CCDC178: variants seen among roughly 807,000 people sequenced by gnomAD.
The protein encoded by CCDC178 is coiled-coil domain-containing protein 178.
A neutral mutation model predicts 117.4 loss-of-function variants in CCDC178; 126 were observed. That is an observed-to-expected ratio of 1.07 (90% CI 0.93 to 1.24). CCDC178 has a LOEUF of 1.24. Ranked by LOEUF, CCDC178 falls within the 50% of genes most tolerant of loss-of-function variation. CCDC178 has a pLI of 0.00. For missense variants in CCDC178, 1,030 were observed against 986.9 expected, an observed-to-expected ratio of 1.04 and a Z score of -0.59; for synonymous variants, 283 against 313.4, an observed-to-expected ratio of 0.90 and a Z score of 1.02.
intron 21 of CCDC178, among the ~76,000 whole-genome samples, chr18:32,994,530 C>T (rs1022320429): frequency 2.0e-5 from 3 of 152,132 alleles, no homozygotes; most frequent in Non-Finnish European, 4.4e-5. Context: ...TGAAGATACC[C>T]TGTTTCCAGT....
At chr18:33,188,543 T>C (rs1379532949) in intron 20 of CCDC178, among the ~76,000 whole-genome samples, 1 of 148,136 alleles carries the variant, frequency 6.8e-6, no homozygotes, top group Non-Finnish European at 1.5e-5. Context: ...TGAGAAGAAT[T>C]AGATCCACCT....
intron 21 of CCDC178, among the ~76,000 whole-genome samples, chr18:32,981,393 C>T (rs983376126): frequency 6.6e-6 from 1 of 152,114 alleles, no homozygotes; most frequent in East Asian, 1.9e-4. Context: ...TTGAATGCAT[C>T]TATACTGGTT....
At chr18:32,983,540 T>G (rs2055196779) in intron 21 of CCDC178, among the ~76,000 whole-genome samples, 2 of 152,104 alleles carry the variant, frequency 1.3e-5, no homozygotes, top group Admixed American at 1.3e-4. Flanking sequence ...GTAATCTAAT[T>G]AAAATCATAT....
intron 5 of CCDC178, among the ~76,000 whole-genome samples, chr18:33,380,993 T>C (rs2063433148): frequency 6.6e-6 from 1 of 152,180 alleles, no homozygotes. Context: ...TCTTTTCTTT[T>C]TACATCTCTG....
At chr18:33,382,469 C>A (rs1050968939) in intron 5 of CCDC178, among the ~76,000 whole-genome samples, 5 of 152,108 alleles carry the variant, frequency 3.3e-5, no homozygotes, top group Non-Finnish European at 7.3e-5. Context: ...GTGATTTCTG[C>A]ATTTCCAACT....
intron 21 of CCDC178, among the ~76,000 whole-genome samples, chr18:33,059,683 AT>A (rs1270210289): frequency 2.0e-5 from 3 of 152,078 alleles, no homozygotes; most frequent in African/African-American, 7.2e-5. Flanking sequence ...TTGTGTCAGT[AT>A]CAGTATAAAC....
chr18:33,002,680 C>T (rs1245457554), intron 21 of CCDC178, among the ~76,000 whole-genome samples: 1 of 150,752 alleles, frequency 6.6e-6, no homozygotes, highest in Non-Finnish European at 1.5e-5. Flanking sequence ...TAATAAAGAT[C>T]AGAGCAGAAA....
chr18:33,358,247 G>A (rs537266171), intron 6 of CCDC178, among the ~76,000 whole-genome samples: 1 of 151,808 alleles, frequency 6.6e-6, no homozygotes, highest in African/African-American at 2.4e-5. Flanking sequence ...AAAAAACTGA[G>A]GAATGCAATT....
intron 5 of CCDC178, among the ~76,000 whole-genome samples, chr18:33,376,543 G>A (rs181629700): frequency 1.3e-5 from 2 of 152,070 alleles, no homozygotes; most frequent in Admixed American, 1.3e-4. Flanking sequence ...GATTGCTTCT[G>A]TCACCCAGGT....
Position 33,164,716 on chromosome 18 carries a change from G to A in CCDC178, c.2238+47180C>T, listed in dbSNP as rs976019450. ...TATCTGCTTCTAAATTGGGTATATTGCCATTTGTTATTTTGGTTATAGTAT... is the reference window on the plus strand; with the variant it reads ...TATCTGCTTCTAAATTGGGTATATTACCATTTGTTATTTTGGTTATAGTAT... On this transcript the variant is annotated intron_variant, in intron 20 of 22. Transcript: ENST00000383096. 2.0e-5 allele frequency among the ~76,000 whole-genome samples: 3 copies of A among 151,928 alleles called. No homozygotes were observed. In the East Asian group the frequency reaches 5.8e-4, roughly 29 times the overall value.
intron 20 of CCDC178, among the ~76,000 whole-genome samples, chr18:33,114,880 A>G (rs271561): frequency 0.16 from 24,345 of 151,996 alleles, 2,732 homozygotes; most frequent in African/African-American, 0.32. Context: ...TTATGTAATG[A>G]GCCAAAATAG....
At chr18:33,388,709 T>C (rs11878073) in intron 5 of CCDC178, among the ~76,000 whole-genome samples, 2,406 of 150,350 alleles carry the variant, frequency 0.016, 58 homozygotes, top group African/African-American at 0.055. Flanking sequence ...TTAGTAGAGA[T>C]GGGGTTTCAC....
intron 20 of CCDC178, among the ~76,000 whole-genome samples, chr18:33,155,157 G>C (rs999864657): frequency 6.6e-6 from 1 of 151,956 alleles, no homozygotes; most frequent in Admixed American, 6.6e-5. Context: ...TTTGTACAAC[G>C]TATGTTCTCT....
intron 10 of CCDC178, among the ~76,000 whole-genome samples, chr18:33,326,972 GA>G (rs1212499909): frequency 6.6e-6 from 1 of 152,090 alleles, no homozygotes; most frequent in Non-Finnish European, 1.5e-5. Context: ...TAGGGGTTTT[GA>G]ATTTTGTAAG....
chr18:33,245,430 T>A lies in CCDC178; in HGVS notation c.1410-2A>T. The stretch of plus-strand genomic sequence containing the variant: ...TCGTATTTTGATTTTTTCCGTATGC[T>A]GTAAAAGTAAAGCAAAAATTAATAT... On this transcript the variant is annotated splice_acceptor_variant, in intron 14 of 22. Coordinates refer to ENST00000383096, the MANE Select transcript of CCDC178 (RefSeq NM_001105528.4). LOFTEE classifies it high-confidence loss of function. 1 of 1,525,150 alleles carries A rather than the reference T, an allele frequency of 6.6e-7. No homozygotes were observed. The highest frequency in any genetic ancestry group is 8.8e-7 in the Non-Finnish European group (1 of 1,136,884). 94.5% of individuals were successfully genotyped at this position (1,525,150 alleles called of 1,614,324 possible).
At chr18:33,270,316 A>T (rs956311002) in intron 12 of CCDC178, among the ~76,000 whole-genome samples, 3 of 151,672 alleles carry the variant, frequency 2.0e-5, no homozygotes, top group African/African-American at 7.2e-5. Flanking sequence ...GGGAGGCAAA[A>T]AGTATATTCA....
At chr18:33,319,378 T>G (rs1331964088) in intron 11 of CCDC178, among the ~76,000 whole-genome samples, 1 of 152,122 alleles carries the variant, frequency 6.6e-6, no homozygotes, top group Non-Finnish European at 1.5e-5. Flanking sequence ...AACTCATCAT[T>G]TTTTATGGTT....
chr18:33,344,181 G>GA (rs796211517), intron 9 of CCDC178, among the ~76,000 whole-genome samples: 17 of 150,932 alleles, frequency 1.1e-4, no homozygotes, highest in African/African-American at 4.1e-4. Context: ...GCGGGCGCCT[G>GA]TAGTCCCAGC....
At chr18:33,280,442 G>T (rs1276405912) in intron 12 of CCDC178, among the ~76,000 whole-genome samples, 2 of 151,430 alleles carry the variant, frequency 1.3e-5, no homozygotes, top group African/African-American at 2.4e-5. Flanking sequence ...TCATTAAAAA[G>T]TCAGGAAACA....
Sources: allele counts gnomAD v4.1 joint callset (sites outside exome capture counted in the v4.1 genomes callset), GRCh38; gene constraint gnomAD v4.1.1; transcripts MANE v1.5; gene names NCBI Gene and HGNC (gene_info 2026-07-23, HGNC 2026-07-21).